TMTC2: variants seen among roughly 807,000 people sequenced by gnomAD.
TMTC2 encodes the protein protein O-mannosyl-transferase TMTC2.
A neutral mutation model predicts 82.4 loss-of-function variants in TMTC2; 43 were observed. The observed-to-expected ratio is 0.52, with a 90% CI of 0.41 to 0.67. The LOEUF (loss-of-function observed/expected upper bound fraction) is 0.67. Among genes scored for constraint, TMTC2 ranks in the 30% least tolerant of loss-of-function variants. TMTC2 has a pLI of 0.00. For synonymous variants in TMTC2, 408 were observed against 381.9 expected (o/e 1.07, Z -0.80); for missense variants, 919 against 1,012.4 (o/e 0.91, Z 1.25).
intron 8 of TMTC2, among the ~76,000 whole-genome samples, chr12:83,029,564 A>G (rs1162639243): frequency 6.6e-6 from 1 of 152,176 alleles, no homozygotes. Context: ...AGAGTATATA[A>G]ATTAGGAGCA....
At chr12:82,703,653 C>G (rs929001002) in intron 1 of TMTC2, among the ~76,000 whole-genome samples, 1 of 152,062 alleles carries the variant, frequency 6.6e-6, no homozygotes, top group African/African-American at 2.4e-5. Context: ...CGTCCGCCAC[C>G]GTGCCTAGCT....
At chr12:82,901,827 T>C (rs1338856282) in intron 3 of TMTC2, among the ~76,000 whole-genome samples, 4 of 152,180 alleles carry the variant, frequency 2.6e-5, no homozygotes, top group Non-Finnish European at 5.9e-5. Context: ...GTCTTCCCAG[T>C]TGTCTGTGGG....
intron 9 of TMTC2, among the ~76,000 whole-genome samples, chr12:83,038,277 TAAAGTA>T (rs1881749166): frequency 6.6e-6 from 1 of 151,868 alleles, no homozygotes; most frequent in Admixed American, 6.6e-5. Context: ...CCCTAAAACT[TAAAGTA>T]TAATAAAAAT....
intron 1 of TMTC2, among the ~76,000 whole-genome samples, chr12:82,793,355 C>T (rs2136137): frequency 0.31 from 45,911 of 149,582 alleles, 7,186 homozygotes; most frequent in Middle Eastern, 0.54. Context: ...AATCAATTGA[C>T]CCAGTCTTTT....
intron 11 of TMTC2, among the ~76,000 whole-genome samples, chr12:83,127,353 G>C (rs1242939405): frequency 6.6e-6 from 1 of 151,946 alleles, no homozygotes; most frequent in Non-Finnish European, 1.5e-5. Flanking sequence ...AGAAATATTG[G>C]TCTATTATCT....
intron 11 of TMTC2, among the ~76,000 whole-genome samples, chr12:83,093,440 T>C (rs1362235312): frequency 6.6e-6 from 1 of 152,178 alleles, no homozygotes; most frequent in Non-Finnish European, 1.5e-5. Flanking sequence ...GTTTCAGTGA[T>C]TGAAACAGCA....
At chr12:83,054,998 G>A (rs1481505459) in intron 10 of TMTC2, among the ~76,000 whole-genome samples, 1 of 151,970 alleles carries the variant, frequency 6.6e-6, no homozygotes, top group Non-Finnish European at 1.5e-5. Context: ...GTGGGGTTGG[G>A]AGCTCTACTC....
intron 1 of TMTC2, among the ~76,000 whole-genome samples, chr12:82,719,665 C>G (rs1294675650): frequency 4.3e-5 from 5 of 115,738 alleles, no homozygotes; most frequent in African/African-American, 1.6e-4. Context: ...TTCTATGTCT[C>G]TCTGTCTTTT....
intron 8 of TMTC2, among the ~76,000 whole-genome samples, chr12:83,028,847 A>G (rs1446786409): frequency 2.0e-5 from 3 of 152,206 alleles, no homozygotes; most frequent in Admixed American, 1.3e-4. Context: ...AAGTGTATGT[A>G]TAGGAAACAT....
chr12:83,000,429 T>A (rs2086909), intron 8 of TMTC2, among the ~76,000 whole-genome samples: 1 of 152,234 alleles, frequency 6.6e-6, no homozygotes, highest in Non-Finnish European at 1.5e-5. Context: ...CCACCGCACC[T>A]TGCCAGGGCA....
At position 83,004,709 on chromosome 12, in the gene TMTC2, G is replaced by A. The variant is rs181997701; in HGVS notation, c.2070+18663G>A. ...TCCTGCATTTTGTTTCACAGGCAGT[G>A]TATACTGGCCGAATTTTTTTTTTTT... On this transcript the variant is annotated intron_variant, in intron 8 of 11. Coordinates refer to ENST00000321196, the MANE Select transcript of TMTC2 (RefSeq NM_152588.3). Among the ~76,000 whole-genome samples, 718 of 85,684 alleles carry A rather than the reference G, an allele frequency of 8.4e-3. 3 individuals are homozygous for A. Among genetic ancestry groups the A allele is most frequent in the Non-Finnish European group, 0.012 (492 of 41,354 alleles). 56.2% of individuals were successfully genotyped at this position (85,684 alleles called of 152,430 possible). A position where few individuals can be genotyped will look rare whatever the true frequency, so the allele number is the denominator to read the frequency against.
intron 2 of TMTC2, among the ~76,000 whole-genome samples, chr12:82,867,784 A>G (rs539458343): frequency 6.6e-6 from 1 of 152,338 alleles, no homozygotes; most frequent in African/African-American, 2.4e-5. Flanking sequence ...TTGCCCATTT[A>G]TATGATCCAC....
At chr12:82,722,023 A>C (rs970251559) in intron 1 of TMTC2, among the ~76,000 whole-genome samples, 3 of 152,054 alleles carry the variant, frequency 2.0e-5, no homozygotes, top group Admixed American at 2.0e-4. Context: ...TGGATGTTTC[A>C]CTTTTGTTGG....
intron 1 of TMTC2, among the ~76,000 whole-genome samples, chr12:82,695,925 G>C (rs563391830): frequency 2.0e-4 from 30 of 152,294 alleles, no homozygotes; most frequent in African/African-American, 6.7e-4. Flanking sequence ...GGCTACTTCT[G>C]CATTCCTATC....
At chr12:82,843,971 G>A (rs1320893658) in intron 1 of TMTC2, among the ~76,000 whole-genome samples, 1 of 152,122 alleles carries the variant, frequency 6.6e-6, no homozygotes, top group East Asian at 1.9e-4. Context: ...AGTTGATTTG[G>A]TTAAGACTCA....
Position 82,912,939 on chromosome 12 carries a change from G to GAAAA in TMTC2, c.1483+16306_1483+16309dup, listed in dbSNP as rs71068957. Among the ~76,000 whole-genome samples the GAAAA allele has an allele frequency of 8.7e-5, 11 of 126,908 alleles. 1 individual carries two copies. Among genetic ancestry groups the GAAAA allele is most frequent in the Non-Finnish European group, 1.3e-4 (8 of 63,116 alleles). The allele number at this position is 126,908 out of a possible 152,430, so 83.3% of individuals were successfully genotyped here. ...GGGTGACAGAGTTGAGACCTTGTCT[G>GAAAA]AAAAAAAAAAAAAAAAGAATGGGTG... On this transcript the variant is annotated intron_variant, in intron 3 of 11. Transcript: ENST00000321196.
intron 10 of TMTC2, among the ~76,000 whole-genome samples, chr12:83,059,994 G>A (rs997327489): frequency 1.3e-5 from 2 of 151,630 alleles, no homozygotes; most frequent in Non-Finnish European, 3.0e-5. Flanking sequence ...TTCTGGTTCA[G>A]ATTTCCAAAT....
intron 11 of TMTC2, among the ~76,000 whole-genome samples, chr12:83,064,214 T>C (rs1565874628): frequency 6.6e-6 from 1 of 151,846 alleles, no homozygotes; most frequent in Non-Finnish European, 1.5e-5. Context: ...ACCTGAGCTA[T>C]CTGACCTGAA....
At chr12:82,882,920 G>T (rs1872904728) in intron 2 of TMTC2, among the ~76,000 whole-genome samples, 1 of 151,950 alleles carries the variant, frequency 6.6e-6, no homozygotes, top group African/African-American at 2.4e-5. Flanking sequence ...GCTGGGCGTG[G>T]TGGCGTGTGC....
Sources: allele counts gnomAD v4.1 joint callset (sites outside exome capture counted in the v4.1 genomes callset), GRCh38; gene constraint gnomAD v4.1.1; transcripts MANE v1.5; gene names NCBI Gene and HGNC (gene_info 2026-07-23, HGNC 2026-07-21).